The following SLC12A8 variants were observed in gnomAD, a reference collection of about 807,000 sequenced individuals.
SLC12A8 encodes the protein cation-chloride cotransporter 9.
Under a neutral mutation model 75.6 loss-of-function variants are expected in SLC12A8, and 69 were observed. The observed-to-expected ratio is 0.91, with a 90% CI of 0.75 to 1.11. The LOEUF (loss-of-function observed/expected upper bound fraction) is 1.11. SLC12A8 is among the 50% of genes most tolerant of loss of function. The pLI is 0.00. For missense variants in SLC12A8, 877 were observed against 896.7 expected, an observed-to-expected ratio of 0.98 and a Z score of 0.28; for synonymous variants, 365 against 372.8, an observed-to-expected ratio of 0.98 and a Z score of 0.24.
chr3:125,194,938 A>G (rs1315408187), intron 2 of SLC12A8, among the ~76,000 whole-genome samples: 1 of 152,210 alleles, frequency 6.6e-6, no homozygotes, highest in African/African-American at 2.4e-5. Flanking sequence ...CTGCCTCTGA[A>G]CCGGCCCCAT....
At chr3:125,203,537 T>C (rs1418663913) in intron 2 of SLC12A8, among the ~76,000 whole-genome samples, 1 of 152,162 alleles carries the variant, frequency 6.6e-6, no homozygotes. Flanking sequence ...TATATCCACA[T>C]GCAGAAGAAT....
intron 5 of SLC12A8, among the ~76,000 whole-genome samples, chr3:125,152,123 A>G (rs1215469439): frequency 6.6e-6 from 1 of 152,256 alleles, no homozygotes; most frequent in East Asian, 1.9e-4. Flanking sequence ...TAATTGCTCC[A>G]GAACTGCTCC....
chr3:125,110,162 A>G, intron 9 of SLC12A8, 27 bp downstream of exon 9: 1 of 1,597,988 alleles, frequency 6.3e-7, no homozygotes, highest in Non-Finnish European at 8.6e-7. Flanking sequence ...GTTTCAAAAA[A>G]CAAACCAAAA....
intron 6 of SLC12A8, among the ~76,000 whole-genome samples, chr3:125,124,366 G>C (rs544752345): frequency 6.6e-6 from 1 of 151,888 alleles, no homozygotes; most frequent in African/African-American, 2.4e-5. Flanking sequence ...TCCCTCTGTC[G>C]CCCAAGCTGG....
chr3:125,152,119 C>T (rs1490220095), intron 5 of SLC12A8, among the ~76,000 whole-genome samples: 1 of 152,158 alleles, frequency 6.6e-6, no homozygotes, highest in East Asian at 1.9e-4. Context: ...AGAGTAATTG[C>T]TCCAGAACTG....
chr3:125,097,869 G>A (rs973519201), intron 10 of SLC12A8, among the ~76,000 whole-genome samples: 4 of 152,032 alleles, frequency 2.6e-5, no homozygotes, highest in Non-Finnish European at 5.9e-5. Flanking sequence ...GAAATACTAG[G>A]AAGTTACAAC....
intron 10 of SLC12A8, among the ~76,000 whole-genome samples, chr3:125,095,297 T>C (rs963497432): frequency 6.6e-6 from 1 of 152,246 alleles, no homozygotes; most frequent in Non-Finnish European, 1.5e-5. Flanking sequence ...TTCATTTGAA[T>C]AAATAACACC....
chr3:125,159,842 C>T (rs73191260), intron 5 of SLC12A8, among the ~76,000 whole-genome samples: 22,237 of 152,272 alleles, frequency 0.15, 1,909 homozygotes, highest in East Asian at 0.21. Flanking sequence ...GACACATGCC[C>T]TTTTCTGGGA....
At chr3:125,193,190 G>A (rs1934940514) in intron 2 of SLC12A8, among the ~76,000 whole-genome samples, 1 of 152,084 alleles carries the variant, frequency 6.6e-6, no homozygotes, top group Non-Finnish European at 1.5e-5. Context: ...TTAACATGGC[G>A]AAACCCTGTC....
intron 2 of SLC12A8, among the ~76,000 whole-genome samples, chr3:125,202,650 T>TAAAA (rs371036226): frequency 0.13 from 20,014 of 149,732 alleles, 1,469 homozygotes; most frequent in South Asian, 0.26. Flanking sequence ...TTTTTTTTTT[T>TAAAA]AAATCTGTAT....
intron 6 of SLC12A8, among the ~76,000 whole-genome samples, chr3:125,126,350 A>C (rs1305449316): frequency 3.3e-5 from 5 of 152,200 alleles, no homozygotes; most frequent in African/African-American, 1.2e-4. Context: ...GTCAGCGCCT[A>C]CTTCCAGTGT....
At chr3:125,093,548 AG>A (rs993807853) in intron 10 of SLC12A8, among the ~76,000 whole-genome samples, 10 of 152,302 alleles carry the variant, frequency 6.6e-5, no homozygotes, top group Admixed American at 5.9e-4. Flanking sequence ...CCCTCAGCTC[AG>A]TTATCACTTC....
chr3:125,211,692 C>T (rs1935339374), intron 1 of SLC12A8, among the ~76,000 whole-genome samples: 1 of 152,192 alleles, frequency 6.6e-6, no homozygotes, highest in South Asian at 2.1e-4. Context: ...AGCTGCCCTG[C>T]TGCCCAGCCC....
intron 10 of SLC12A8, among the ~76,000 whole-genome samples, chr3:125,100,286 GGAAA>G (rs768197837): frequency 1.3e-4 from 20 of 152,180 alleles, no homozygotes; most frequent in Non-Finnish European, 1.9e-4. Context: ...TTAATCAACA[GGAAA>G]GAAAGAATGA....
chr3:125,187,387 G>T lies in SLC12A8; in HGVS notation c.240C>A (p.Phe80Leu), dbSNP rs753403388. 2 of 1,614,184 alleles carry T rather than the reference G, an allele frequency of 1.2e-6. No individual in the cohort carries two copies. Among genetic ancestry groups the T allele is most frequent in the Non-Finnish European group, 1.7e-6 (2 of 1,180,034 alleles). Residue 80 changes from phenylalanine (F) to leucine (L), a missense_variant, in exon 4 of 14, where the codon TTC becomes TTA. Transcript: ENST00000469902. ...GVLLGMFLVSFVILVALVTVL... is the reference protein window; with the variant it reads ...GVLLGMFLVSLVILVALVTVL... ...CCGTGACGAGGGCCACCAGGATGAC[G>T]AAGGACACCAGGAACATGCCCAGGA...
At position 125,083,764 on chromosome 3, in the gene SLC12A8, T is replaced by A; in HGVS notation, c.*126A>T. On this transcript the variant is annotated 3_prime_UTR_variant, in exon 14 of 14. Transcript: ENST00000469902. ...GAAAAGAAAATGTAGATTTCCATTG[T>A]CCAAAGTGACAGCGGGAGGATGGGT... 1.1e-6 allele frequency: 1 copy of A among 915,794 alleles called. No individual in the cohort carries two copies. The highest frequency in any genetic ancestry group is 1.6e-6 in the Non-Finnish European group (1 of 625,982). The allele number at this position is 915,794 out of a possible 1,614,324, so 56.7% of individuals were successfully genotyped here. A position where few individuals can be genotyped will look rare whatever the true frequency, so the allele number is the denominator to read the frequency against.
chr3:125,186,395 T>C (rs952688729), intron 4 of SLC12A8, among the ~76,000 whole-genome samples: 4 of 152,196 alleles, frequency 2.6e-5, no homozygotes, highest in Admixed American at 1.3e-4. Flanking sequence ...ATATTTATGC[T>C]GAAACACCCT....
intron 5 of SLC12A8, among the ~76,000 whole-genome samples, chr3:125,142,295 A>G (rs1193758705): frequency 6.6e-6 from 1 of 152,202 alleles, no homozygotes; most frequent in Non-Finnish European, 1.5e-5. Flanking sequence ...CCAGCCCCAG[A>G]TGGGCTAAGA....
chr3:125,110,108 C>T (rs1180556376), intron 9 of SLC12A8, 81 bp downstream of exon 9: 3 of 1,442,138 alleles, frequency 2.1e-6, no homozygotes, highest in African/African-American at 1.4e-5. Flanking sequence ...ATCAGAAAAG[C>T]TTAACCAATT....
Sources: gnomAD v4.1 joint callset for allele counts (sites outside exome capture counted in the v4.1 genomes callset) on GRCh38, gnomAD v4.1.1 for gene constraint, MANE v1.5 for transcripts, NCBI Gene and HGNC (gene_info 2026-07-23, HGNC 2026-07-21) for gene names.